The following GRIK1 variants were observed in gnomAD, a reference collection of about 807,000 sequenced individuals.
GRIK1 encodes the protein glutamate receptor ionotropic, kainate 1.
Under a neutral mutation model 105.7 loss-of-function variants are expected in GRIK1, and 69 were observed. The observed-to-expected ratio is 0.65, with a 90% CI of 0.54 to 0.80. The LOEUF (loss-of-function observed/expected upper bound fraction) is 0.80. Among genes scored for constraint, GRIK1 ranks in the 30% least tolerant of loss-of-function variants. The pLI, the probability that GRIK1 is intolerant of heterozygous loss-of-function variation, is 0.00. For synonymous variants in GRIK1, 438 were observed against 431.3 expected (o/e 1.02, Z -0.19); for missense variants, 1,109 against 1,167.3 (o/e 0.95, Z 0.73).
chr21:29,771,517 C>T (rs2065811720), intron 1 of GRIK1, among the ~76,000 whole-genome samples: 1 of 152,212 alleles, frequency 6.6e-6, no homozygotes, highest in African/African-American at 2.4e-5. Flanking sequence ...TTGGTAGAAG[C>T]AGAGGGCATG....
chr21:29,561,667 C>T lies in GRIK1; in HGVS notation c.2313G>A (p.Gly771=), dbSNP rs149908662. The change falls in exon 15 of 18, where the codon GGG becomes GGA. Residue 771 remains glycine (G), a synonymous_variant. Coordinates refer to ENST00000327783, the MANE Select transcript of GRIK1 (RefSeq NM_001330994.2). ...CGTAACCTTTGGAGTCAATGAGGCC[C>T]CCGATCTGAGTGAGGTTGCAGTTTC... is the stretch of plus-strand genomic sequence containing the variant. The part of the protein sequence containing the change: ...TQRNCNLTQI[G]GLIDSKGYGV... The T allele has an allele frequency of 3.2e-4, 517 of 1,613,898 alleles. 1 individual carries two copies. The highest frequency in any genetic ancestry group is 1.5e-4 in the Admixed American group (9 of 59,988).
intron 13 of GRIK1, among the ~76,000 whole-genome samples, chr21:29,579,248 C>T (rs2090963103): frequency 6.6e-6 from 1 of 152,130 alleles, no homozygotes; most frequent in Non-Finnish European, 1.5e-5. Context: ...AATGTTTCTT[C>T]ATGTTTTCTA....
chr21:29,895,304 CG>C (rs1408349500), intron 1 of GRIK1, among the ~76,000 whole-genome samples: 1 of 151,954 alleles, frequency 6.6e-6, no homozygotes, highest in African/African-American at 2.4e-5. Flanking sequence ...AACGAACCTG[CG>C]GATCAAATGA....
intron 7 of GRIK1, among the ~76,000 whole-genome samples, chr21:29,621,468 A>G (rs955659004): frequency 6.6e-6 from 1 of 152,202 alleles, no homozygotes; most frequent in African/African-American, 2.4e-5. Context: ...CAAAATGCAG[A>G]TGGGCAAATT....
intron 14 of GRIK1, among the ~76,000 whole-genome samples, chr21:29,572,504 T>C (rs563491094): frequency 6.6e-6 from 1 of 152,302 alleles, no homozygotes; most frequent in East Asian, 1.9e-4. Context: ...TCCCAGAGTT[T>C]ACTTTTTCAC....
At chr21:29,854,260 T>C (rs1182260250) in intron 1 of GRIK1, among the ~76,000 whole-genome samples, 4 of 152,016 alleles carry the variant, frequency 2.6e-5, no homozygotes, top group Non-Finnish European at 5.9e-5. Flanking sequence ...TCACATAAAC[T>C]AATAGAGCAA....
chr21:29,801,897 A>G (rs915101697), intron 1 of GRIK1, among the ~76,000 whole-genome samples: 8 of 152,038 alleles, frequency 5.3e-5, no homozygotes, highest in Non-Finnish European at 8.8e-5. Context: ...TTGTAGAGAT[A>G]AGCATCCATT....
chr21:29,693,783 G>C (rs1207126698), intron 2 of GRIK1, 113 bp downstream of exon 2: 3 of 743,122 alleles, frequency 4.0e-6, no homozygotes, highest in African/African-American at 3.5e-5. Flanking sequence ...GATTTCCCGC[G>C]ACCCATTTGC....
At chr21:29,710,031 A>G (rs1313976370) in intron 1 of GRIK1, among the ~76,000 whole-genome samples, 1 of 151,700 alleles carries the variant, frequency 6.6e-6, no homozygotes, top group Non-Finnish European at 1.5e-5. Context: ...GGCAGATTGA[A>G]ATAAATGCTA....
chr21:29,915,279 A>G (rs2070956839), intron 1 of GRIK1, among the ~76,000 whole-genome samples: 1 of 152,026 alleles, frequency 6.6e-6, no homozygotes, highest in Non-Finnish European at 1.5e-5. Context: ...AGCTGACTGA[A>G]TACACTAGAA....
intron 1 of GRIK1, among the ~76,000 whole-genome samples, chr21:29,803,169 C>T (rs751938395): frequency 1.3e-5 from 2 of 152,040 alleles, no homozygotes; most frequent in South Asian, 4.2e-4. Flanking sequence ...ATAACTCCAT[C>T]CTCCCGGCTG....
intron 1 of GRIK1, among the ~76,000 whole-genome samples, chr21:29,913,185 C>T (rs532808674): frequency 7.9e-5 from 12 of 152,110 alleles, no homozygotes; most frequent in South Asian, 4.1e-4. Context: ...AAGATGGGTT[C>T]GAGCCCCAGC....
Position 29,580,570 on chromosome 21 carries a change from A to AC in GRIK1, c.1912+854dup, listed in dbSNP as rs1323389519. On this transcript the variant is annotated intron_variant, in intron 13 of 17. Coordinates refer to ENST00000327783, the MANE Select transcript of GRIK1 (RefSeq NM_001330994.2). ...TCCCTAATGAGAAACCTTAGGGTTC[A>AC]CCCCCAAGTAGCAAACATGTTTAAT... Among the ~76,000 whole-genome samples the AC allele has an allele frequency of 8.5e-5, 13 of 152,248 alleles. No homozygotes were observed. The East Asian group carries it at 2.1e-3, about 25-fold the overall frequency.
At chr21:29,679,773 T>C (rs890032394) in intron 3 of GRIK1, among the ~76,000 whole-genome samples, 2 of 152,214 alleles carry the variant, frequency 1.3e-5, no homozygotes, top group Non-Finnish European at 2.9e-5. Context: ...TTTGATTCTT[T>C]GATCTACAGG....
At chr21:29,698,094 T>G (rs897243054) in intron 1 of GRIK1, among the ~76,000 whole-genome samples, 3 of 151,882 alleles carry the variant, frequency 2.0e-5, no homozygotes, top group Admixed American at 1.3e-4. Flanking sequence ...TTTACTTCTT[T>G]TGTATAATAA....
At chr21:29,621,553 G>A (rs1392620403) in intron 7 of GRIK1, among the ~76,000 whole-genome samples, 3 of 152,122 alleles carry the variant, frequency 2.0e-5, no homozygotes, top group Non-Finnish European at 4.4e-5. Flanking sequence ...GAACCCTCTT[G>A]CTATAAATTC....
Position 29,563,456 on chromosome 21 carries a change from T to G in GRIK1, c.2131-1607A>C, listed in dbSNP as rs1441694415. On this transcript the variant is annotated intron_variant, in intron 14 of 17. Transcript: ENST00000327783. ...CAGTACCTTATAGATATTGGTATTT[T>G]GTGGAACCCATTGTGTCATATTGGG... Among the ~76,000 whole-genome samples the G allele has an allele frequency of 2.0e-5, 3 of 152,214 alleles. No homozygotes were observed. The East Asian group carries it at 5.8e-4, about 29-fold the overall frequency.
intron 2 of GRIK1, among the ~76,000 whole-genome samples, chr21:29,690,397 A>T (rs886572612): frequency 4.6e-5 from 7 of 152,202 alleles, no homozygotes; most frequent in African/African-American, 1.7e-4. Context: ...GAAAATATTA[A>T]TGTGGTTATA....
intron 1 of GRIK1, among the ~76,000 whole-genome samples, chr21:29,884,705 G>T (rs190233427): frequency 6.6e-6 from 1 of 152,042 alleles, no homozygotes; most frequent in Non-Finnish European, 1.5e-5. Context: ...TTTACTTAAA[G>T]TAGTTATTAT....
Sources: allele counts gnomAD v4.1 joint callset (sites outside exome capture counted in the v4.1 genomes callset), GRCh38; gene constraint gnomAD v4.1.1; transcripts MANE v1.5; gene names NCBI Gene and HGNC (gene_info 2026-07-23, HGNC 2026-07-21).